Variants in CHST9 observed in about 807,000 individuals in gnomAD.
CHST9 encodes the protein GalNAc-4-sulfotransferase 2.
CHST9 carries 41 observed loss-of-function variants against 44.4 expected under a neutral mutation model. The ratio of observed to expected loss-of-function variants is 0.92; its 90% CI spans 0.72 to 1.20. The LOEUF (loss-of-function observed/expected upper bound fraction) is 1.20, where lower values mean the gene tolerates loss of function less well. Among genes scored for constraint, CHST9 ranks in the 50% most tolerant of loss-of-function variants. The pLI, the probability that CHST9 is intolerant of heterozygous loss-of-function variation, is 0.00. For missense variants in CHST9, 504 were observed against 516.5 expected (o/e 0.98, Z 0.23); for synonymous variants, 171 against 178.4 (o/e 0.96, Z 0.33).
intron 1 of CHST9, 84 bp from the exon 2 acceptor site, chr18:27,142,989 A>C: frequency 2.0e-6 from 1 of 509,974 alleles, no homozygotes. Context: ...CTATCTCAAC[A>C]AGGCTGAAGA....
At chr18:27,135,841 T>C (rs892346200) in intron 2 of CHST9, among the ~76,000 whole-genome samples, 1 of 152,200 alleles carries the variant, frequency 6.6e-6, no homozygotes, top group South Asian at 2.1e-4. Context: ...CCTGAGAGTT[T>C]TATTAAAATG....
chr18:27,012,410 A>G (rs1350346016), intron 4 of CHST9, among the ~76,000 whole-genome samples: 1 of 152,238 alleles, frequency 6.6e-6, no homozygotes, highest in Non-Finnish European at 1.5e-5. Context: ...AAGAGAAAAT[A>G]TGTTCACTAT....
chr18:27,104,560 G>T (rs142615172), intron 2 of CHST9, among the ~76,000 whole-genome samples: 105 of 152,296 alleles, frequency 6.9e-4, no homozygotes, highest in African/African-American at 2.5e-3. Context: ...ATGCCAATAA[G>T]ATAGTCCCAA....
Position 27,090,645 on chromosome 18 carries a change from G to T in CHST9, c.122-42142C>A, listed in dbSNP as rs186401139. Among the ~76,000 whole-genome samples the T allele has an allele frequency of 6.8e-4, 103 of 152,304 alleles. 1 individual carries two copies. The highest frequency in any genetic ancestry group is 3.4e-3 in the Middle Eastern group (1 of 294). On this transcript the variant is annotated intron_variant, in intron 2 of 5. Transcript: ENST00000618847. Reference sequence around the variant, plus strand: ...TTGTAAGGTGTAAGGAAGGGATCCAGTTTCAGCTTTCTACATATGGCAAGC... The same window carrying T: ...TTGTAAGGTGTAAGGAAGGGATCCATTTTCAGCTTTCTACATATGGCAAGC...
At chr18:27,095,945 A>G (rs1285535445) in intron 2 of CHST9, among the ~76,000 whole-genome samples, 1 of 152,110 alleles carries the variant, frequency 6.6e-6, no homozygotes, top group Non-Finnish European at 1.5e-5. Flanking sequence ...CCTAATAGAC[A>G]TATACAGAAT....
At position 26,970,201 on chromosome 18, in the gene CHST9, T is replaced by C. The variant is rs1403547192; in HGVS notation, c.203-25835A>G. Among the ~76,000 whole-genome samples the C allele has an allele frequency of 3.3e-5, 5 of 152,208 alleles. No homozygotes were observed. The East Asian group carries it at 7.7e-4, about 23-fold the overall frequency. On this transcript the variant is annotated intron_variant, in intron 4 of 5. Transcript: ENST00000618847. ...CTGCTGTGATGTTAAGCTTCTAAAA[T>C]ACAGATTTCTGATCAAAATCTTTGA...
At chr18:26,965,238 G>C (rs918020366) in intron 4 of CHST9, among the ~76,000 whole-genome samples, 3 of 152,108 alleles carry the variant, frequency 2.0e-5, no homozygotes, top group Non-Finnish European at 4.4e-5. Flanking sequence ...TGCACTGTGC[G>C]GCCTGCAATG....
intron 2 of CHST9, among the ~76,000 whole-genome samples, chr18:27,089,286 A>T (rs201240231): frequency 9.7e-4 from 37 of 38,198 alleles, no homozygotes; most frequent in East Asian, 1.2e-3. Flanking sequence ...TCCCTCCCCC[A>T]GCCCCCCACC....
intron 2 of CHST9, among the ~76,000 whole-genome samples, chr18:27,075,583 A>G (rs946117112): frequency 6.6e-6 from 1 of 152,204 alleles, no homozygotes; most frequent in African/African-American, 2.4e-5. Flanking sequence ...ATTGGATCAT[A>G]ATAACACATA....
intron 2 of CHST9, among the ~76,000 whole-genome samples, chr18:27,068,725 T>A (rs1314574402): frequency 6.6e-6 from 1 of 152,174 alleles, no homozygotes; most frequent in Admixed American, 6.5e-5. Flanking sequence ...CTCATTTTAT[T>A]CTTGTGGCCT....
In CHST9 at chr18:26,969,370, C is replaced by G. The variant is rs1404317019; in HGVS notation, c.203-25004G>C. On this transcript the variant is annotated intron_variant, in intron 4 of 5. Coordinates refer to ENST00000618847, the MANE Select transcript of CHST9 (RefSeq NM_031422.6). ...GTCTTCCTTTTTTGATTCTCTCTCT[C>G]TCTCTCTGTGTGTGTGTGTGTGTGT... 8.1e-3 allele frequency among the ~76,000 whole-genome samples: 989 copies of G among 121,948 alleles called. 5 individuals carry two copies. Among genetic ancestry groups the G allele is most frequent in the African/African-American group, 0.016 (517 of 32,066 alleles). The allele number at this position is 121,948 out of a possible 152,430, so 80.0% of individuals were successfully genotyped here. A position where few individuals can be genotyped will look rare whatever the true frequency, so the allele number is the denominator to read the frequency against.
At chr18:26,933,623 C>A (rs374751441) in intron 5 of CHST9, 11 of 153,728 alleles carry the variant, frequency 7.2e-5, no homozygotes, top group African/African-American at 2.7e-4. Flanking sequence ...CAGATTATTA[C>A]CTCAGCTGGA....
At chr18:27,116,838 A>C (rs1355769166) in intron 2 of CHST9, among the ~76,000 whole-genome samples, 1 of 152,050 alleles carries the variant, frequency 6.6e-6, no homozygotes, top group East Asian at 1.9e-4. Context: ...TTAATTTTGT[A>C]TTTTATTCTT....
intron 4 of CHST9, among the ~76,000 whole-genome samples, chr18:26,981,295 T>TA (rs1172301152): frequency 6.6e-6 from 1 of 152,120 alleles, no homozygotes; most frequent in African/African-American, 2.4e-5. Context: ...TACCAAGTTA[T>TA]AAAAAAATCT....
At chr18:27,101,055 A>T (rs923338001) in intron 2 of CHST9, among the ~76,000 whole-genome samples, 1 of 152,184 alleles carries the variant, frequency 6.6e-6, no homozygotes, top group Non-Finnish European at 1.5e-5. Flanking sequence ...GAACTATAGG[A>T]AGCTTTGAGT....
At chr18:26,984,539 T>C (rs2056731217) in intron 4 of CHST9, among the ~76,000 whole-genome samples, 1 of 152,072 alleles carries the variant, frequency 6.6e-6, no homozygotes, top group Admixed American at 6.5e-5. Flanking sequence ...ATTAAGAATT[T>C]TTTTATTATC....
intron 4 of CHST9, among the ~76,000 whole-genome samples, chr18:26,982,912 A>C (rs2056710271): frequency 6.6e-6 from 1 of 152,320 alleles, no homozygotes; most frequent in South Asian, 2.1e-4. Context: ...TAAGCTCCTC[A>C]CAGTTTTGTG....
intron 2 of CHST9, among the ~76,000 whole-genome samples, chr18:27,122,859 G>A (rs1393722602): frequency 6.6e-6 from 1 of 152,100 alleles, no homozygotes; most frequent in Non-Finnish European, 1.5e-5. Context: ...AAAAAATAGG[G>A]TAAAAGGAAA....
intron 2 of CHST9, among the ~76,000 whole-genome samples, chr18:27,102,610 ATAT>A (rs1005697025): frequency 1.3e-5 from 2 of 152,224 alleles, no homozygotes; most frequent in African/African-American, 4.8e-5. Context: ...TTAGATAACG[ATAT>A]TATCACCTCA....
Sources: allele counts gnomAD v4.1 joint callset (sites outside exome capture counted in the v4.1 genomes callset), GRCh38; gene constraint gnomAD v4.1.1; transcripts MANE v1.5; gene names NCBI Gene and HGNC (gene_info 2026-07-23, HGNC 2026-07-21).